PRDM16: variants seen among roughly 807,000 people sequenced by gnomAD.
PRDM16 encodes the protein histone-lysine N-methyltransferase PRDM16.
PRDM16 carries 23 observed loss-of-function variants against 110.6 expected under a neutral mutation model. That is an observed-to-expected ratio of 0.21 (90% confidence interval 0.15 to 0.29). The LOEUF (loss-of-function observed/expected upper bound fraction) is 0.29. Among genes scored for constraint, PRDM16 ranks in the 10% least tolerant of loss-of-function variants. PRDM16 has a pLI of 1.00. For missense variants in PRDM16, 1,615 were observed against 1,794.3 expected (o/e 0.90, Z 1.81); for synonymous variants, 799 against 781.8 (o/e 1.02, Z -0.37).
At chr1:3,228,595 C>T (rs1280305264) in intron 2 of PRDM16, among the ~76,000 whole-genome samples, 1 of 152,200 alleles carries the variant, frequency 6.6e-6, no homozygotes, top group Admixed American at 6.5e-5. Context: ...TCCCTGCCCT[C>T]TCCCCACTGC....
At chr1:3,144,643 G>T (rs1015352903) in intron 1 of PRDM16, among the ~76,000 whole-genome samples, 2 of 152,204 alleles carry the variant, frequency 1.3e-5, no homozygotes, top group South Asian at 4.1e-4. Context: ...GTGTGCCCGC[G>T]TTCAGGAGAG....
At chr1:3,145,467 G>A (rs1363200967) in intron 1 of PRDM16, among the ~76,000 whole-genome samples, 2 of 152,154 alleles carry the variant, frequency 1.3e-5, no homozygotes, top group African/African-American at 4.8e-5. Flanking sequence ...CGGGGCCTTG[G>A]ACGGCAGCCT....
intron 2 of PRDM16, among the ~76,000 whole-genome samples, chr1:3,212,790 G>C (rs1041173103): frequency 5.3e-5 from 8 of 152,050 alleles, no homozygotes; most frequent in African/African-American, 1.9e-4. Context: ...CTACCTCGGC[G>C]TGGCTCTGCC....
At chr1:3,323,926 G>A (rs1034376365) in intron 3 of PRDM16, among the ~76,000 whole-genome samples, 1 of 152,232 alleles carries the variant, frequency 6.6e-6, no homozygotes, top group African/African-American at 2.4e-5. Context: ...AACATTGCGG[G>A]CAGCGGACGG....
chr1:3,332,828 C>T (rs1380501006), intron 3 of PRDM16, among the ~76,000 whole-genome samples: 2 of 151,998 alleles, frequency 1.3e-5, no homozygotes, highest in East Asian at 1.9e-4. Flanking sequence ...CATCCCTGTT[C>T]GGCCTCTGGA....
chr1:3,300,680 G>A (rs528146873), intron 3 of PRDM16, among the ~76,000 whole-genome samples: 6 of 152,328 alleles, frequency 3.9e-5, no homozygotes, highest in Non-Finnish European at 7.4e-5. Flanking sequence ...CAAGATCCAC[G>A]CATCATTGTT....
At position 3,143,302 on chromosome 1, in the gene PRDM16, C is replaced by T. The variant is rs963447422; in HGVS notation, c.38-42823C>T. On this transcript the variant is annotated intron_variant, in intron 1 of 16. Transcript: ENST00000270722. The surrounding 1 kb of genome is among the most constrained non-coding windows in gnomAD (Gnocchi z 4.5). ...GGACATGGGTCCGGGCTGAGGACTT[C>T]GTCAGGTGTCAGGACTCGGGACAGC... is the stretch of plus-strand genomic sequence containing the variant. Among the ~76,000 whole-genome samples the T allele has an allele frequency of 2.0e-5, 3 of 152,012 alleles. No homozygotes were observed. Among genetic ancestry groups the T allele is most frequent in the East Asian group, 1.9e-4 (1 of 5,174 alleles).
chr1:3,112,392 C>G (rs1314791072), intron 1 of PRDM16, among the ~76,000 whole-genome samples: 2 of 152,212 alleles, frequency 1.3e-5, no homozygotes, highest in African/African-American at 4.8e-5. Flanking sequence ...TCGCTTCTCT[C>G]TAGTCATAAG....
intron 8 of PRDM16, among the ~76,000 whole-genome samples, chr1:3,406,578 A>C (rs1033772340): frequency 3.3e-5 from 5 of 149,644 alleles, no homozygotes; most frequent in Admixed American, 3.3e-4. Context: ...AAAAAAAAAA[A>C]AATTTTTTTT....
At chr1:3,428,982 G>A (rs1364511870) in intron 14 of PRDM16, among the ~76,000 whole-genome samples, 7 of 152,236 alleles carry the variant, frequency 4.6e-5, no homozygotes, top group Non-Finnish European at 8.8e-5. Flanking sequence ...CCCAGCCAAG[G>A]GTCACCTAAG....
intron 1 of PRDM16, among the ~76,000 whole-genome samples, chr1:3,074,310 C>G (rs1641840482): frequency 6.6e-6 from 1 of 152,128 alleles, no homozygotes; most frequent in African/African-American, 2.4e-5. Context: ...GATTGAGGCT[C>G]CAGTGAAATT....
rs770679086 is a variant in PRDM16, at chr1:3,246,376, G to C, written c.438+2239G>C. Among the ~76,000 whole-genome samples the C allele has an allele frequency of 6.6e-6, 1 of 152,208 alleles. No individual in the cohort carries two copies. The highest frequency in any genetic ancestry group is 1.9e-4 in the East Asian group (1 of 5,176). On this transcript the variant is annotated intron_variant, in intron 3 of 16. Transcript: ENST00000270722. The surrounding 1 kb of genome is among the most constrained non-coding windows in gnomAD (Gnocchi z 5.2). ...CTTGGGTCGGGCTGAGGAGTCTCAG[G>C]TTCCGCCATCCCACGGAATCAGAGC...
At chr1:3,105,463 C>T (rs951737160) in intron 1 of PRDM16, among the ~76,000 whole-genome samples, 19 of 152,220 alleles carry the variant, frequency 1.2e-4, no homozygotes, top group African/African-American at 2.9e-4. Context: ...CAGCCTTGCA[C>T]CTGAGGCCTG....
rs1638815788 is a variant in PRDM16 at position 3,208,893 on chromosome 1, G to T, written c.387+22419G>T. ...GAGGCCCCCCCAGGTCCCCACGAGT[G>T]GGTGGAAAGTCTTGGGGACAGAAGA... On this transcript the variant is annotated intron_variant, in intron 2 of 16. Coordinates refer to ENST00000270722, the MANE Select transcript of PRDM16 (RefSeq NM_022114.4). This position sits in a 1 kb window ranked among gnomAD's most constrained non-coding sequence, Gnocchi z 6.1. Among the ~76,000 whole-genome samples the T allele has an allele frequency of 6.6e-6, 1 of 152,160 alleles. No individual in the cohort carries two copies. The highest frequency in any genetic ancestry group is 1.5e-5 in the Non-Finnish European group (1 of 68,036).
chr1:3,417,390 T>G (rs868542198), intron 10 of PRDM16, among the ~76,000 whole-genome samples: 2 of 152,356 alleles, frequency 1.3e-5, no homozygotes, highest in African/African-American at 4.8e-5. Flanking sequence ...AATAAACTTT[T>G]TAATGTTAAA....
At chr1:3,248,110 T>C (rs796594545) in intron 3 of PRDM16, among the ~76,000 whole-genome samples, 9 of 152,358 alleles carry the variant, frequency 5.9e-5, no homozygotes, top group African/African-American at 1.9e-4. Context: ...TTATTAAGGC[T>C]CAATGGCCAT....
At position 3,232,736 on chromosome 1, in the gene PRDM16, T is replaced by G; in HGVS notation, c.388-11351T>G. ...TTTTTAAGGGAATTAAAATTCCATATTCTGCTCGGATATGGATCCACTTTC... is the reference window on the plus strand; with the variant it reads ...TTTTTAAGGGAATTAAAATTCCATAGTCTGCTCGGATATGGATCCACTTTC... On this transcript the variant is annotated intron_variant, in intron 2 of 16. Transcript: ENST00000270722. Among the ~76,000 whole-genome samples, 2 of 152,176 alleles carry G rather than the reference T, an allele frequency of 1.3e-5. 1 individual carries two copies. The highest frequency in any genetic ancestry group is 1.3e-4 in the Admixed American group (2 of 15,284).
Position 3,350,934 on chromosome 1 carries a change from G to A in PRDM16, c.439-34218G>A, listed in dbSNP as rs527684253. Among the ~76,000 whole-genome samples the A allele has an allele frequency of 1.6e-4, 25 of 152,298 alleles. No homozygotes were observed. Among genetic ancestry groups the A allele is most frequent in the African/African-American group, 5.3e-4 (22 of 41,560 alleles). ...GACTTGGGGATTCACTTCAGCTCTC[G>A]CTTTATTATGGAGCCTGGGAGAAAA... On this transcript the variant is annotated intron_variant, in intron 3 of 16. Transcript: ENST00000270722. The surrounding 1 kb of genome is among the most constrained non-coding windows in gnomAD (Gnocchi z 7.1).
chr1:3,348,540 A>G (rs1398441484), intron 3 of PRDM16, among the ~76,000 whole-genome samples: 1 of 152,198 alleles, frequency 6.6e-6, no homozygotes, highest in Non-Finnish European at 1.5e-5. Flanking sequence ...ATGGGCAGGG[A>G]CAGTGGGGAG....
Sources: gnomAD v4.1 joint callset for allele counts (sites outside exome capture counted in the v4.1 genomes callset) on GRCh38, gnomAD v4.1.1 for gene constraint, Gnocchi (gnomAD v3.1) non-coding constraint, MANE v1.5 for transcripts, NCBI Gene and HGNC (gene_info 2026-07-23, HGNC 2026-07-21) for gene names.